The following VWA8 variants were observed in gnomAD, a reference collection of about 807,000 sequenced individuals.
The protein encoded by VWA8 is von Willebrand factor A domain-containing protein 8.
In VWA8, 221 loss-of-function variants were observed where a neutral mutation model predicts 241.5. That is an observed-to-expected ratio of 0.91 (90% confidence interval 0.82 to 1.02). The LOEUF (loss-of-function observed/expected upper bound fraction) is 1.02. Among genes scored for constraint, VWA8 ranks in the 50% least tolerant of loss-of-function variants. The pLI, the probability that VWA8 is intolerant of heterozygous loss-of-function variation, is 0.00. For synonymous variants in VWA8, 852 were observed against 827.1 expected (o/e 1.03, Z -0.52); for missense variants, 2,322 against 2,328.7 (o/e 1.00, Z 0.06).
chr13:41,798,549 G>A (rs77550846), intron 17 of VWA8, among the ~76,000 whole-genome samples: 3,950 of 152,110 alleles, frequency 0.026, 74 homozygotes, highest in Non-Finnish European at 0.038. Flanking sequence ...ATCTTTTTCC[G>A]TTATAAGTTT....
At chr13:41,785,776 G>A (rs763385556) in intron 18 of VWA8, among the ~76,000 whole-genome samples, 1 of 151,862 alleles carries the variant, frequency 6.6e-6, no homozygotes, top group Admixed American at 6.6e-5. Flanking sequence ...CCACCATTAG[G>A]TCTCTGAAAT....
At chr13:41,889,025 T>C (rs1328209346) in intron 5 of VWA8, among the ~76,000 whole-genome samples, 2 of 152,218 alleles carry the variant, frequency 1.3e-5, no homozygotes, top group African/African-American at 4.8e-5. Context: ...AATATAAAGT[T>C]CATACAAACT....
chr13:41,710,638 A>G (rs1233027938), intron 26 of VWA8, among the ~76,000 whole-genome samples: 1 of 151,780 alleles, frequency 6.6e-6, no homozygotes, highest in Non-Finnish European at 1.5e-5. Context: ...GGAATTGTAC[A>G]CCTTAGAACT....
intron 34 of VWA8, among the ~76,000 whole-genome samples, chr13:41,688,337 A>G (rs1007398436): frequency 1.3e-5 from 2 of 152,154 alleles, no homozygotes; most frequent in African/African-American, 4.8e-5. Context: ...AAATAATTCT[A>G]TCATCCCATC....
At chr13:41,851,763 G>A (rs1013309392) in intron 12 of VWA8, among the ~76,000 whole-genome samples, 1 of 151,884 alleles carries the variant, frequency 6.6e-6, no homozygotes, top group African/African-American at 2.4e-5. Context: ...TAATACAGAC[G>A]GGATTTTCTG....
chr13:41,632,796 A>C (rs1411966266), intron 37 of VWA8, among the ~76,000 whole-genome samples: 1 of 152,186 alleles, frequency 6.6e-6, no homozygotes, highest in Non-Finnish European at 1.5e-5. Context: ...AACACCCAAT[A>C]ATAACAATCT....
At chr13:41,651,966 A>G (rs1256622533) in intron 37 of VWA8, among the ~76,000 whole-genome samples, 3 of 152,262 alleles carry the variant, frequency 2.0e-5, no homozygotes, top group African/African-American at 4.8e-5. Context: ...AGTGTGAAAC[A>G]TTCTGAATTT....
chr13:41,796,514 A>G (rs1035238667), intron 17 of VWA8, among the ~76,000 whole-genome samples: 11 of 142,336 alleles, frequency 7.7e-5, no homozygotes, highest in African/African-American at 2.9e-4. Context: ...TCCTTTCCAA[A>G]ATTAAATTAC....
intron 2 of VWA8, among the ~76,000 whole-genome samples, chr13:41,936,435 C>A (rs1877354557): frequency 6.6e-6 from 1 of 152,094 alleles, no homozygotes; most frequent in Non-Finnish European, 1.5e-5. Context: ...TGAGTTATTT[C>A]TCTATCATTT....
intron 20 of VWA8, among the ~76,000 whole-genome samples, chr13:41,772,576 T>C (rs1015998937): frequency 6.6e-6 from 1 of 152,196 alleles, no homozygotes; most frequent in Non-Finnish European, 1.5e-5. Context: ...ATATTCAGCA[T>C]TATACCCTAA....
chr13:41,784,727 T>TATATATATATATATACATAC (rs1555335045), intron 18 of VWA8, among the ~76,000 whole-genome samples: 6 of 69,014 alleles, frequency 8.7e-5, no homozygotes, highest in Non-Finnish European at 1.3e-4. Flanking sequence ...TATATATATA[T>TATATATATATATATACATAC]ATACACACAC....
At chr13:41,758,101 G>A (rs1213593144) in intron 21 of VWA8, among the ~76,000 whole-genome samples, 1 of 151,108 alleles carries the variant, frequency 6.6e-6, no homozygotes, top group Non-Finnish European at 1.5e-5. Flanking sequence ...TGTTGAGGTA[G>A]ATGAAGATAA....
chr13:41,936,375 G>A (rs1448070189), intron 2 of VWA8, among the ~76,000 whole-genome samples: 6 of 151,876 alleles, frequency 4.0e-5, no homozygotes, highest in South Asian at 2.1e-4. Flanking sequence ...ATTTTCTATT[G>A]GATCACATGG....
intron 43 of VWA8, among the ~76,000 whole-genome samples, chr13:41,571,501 G>A (rs564051174): frequency 8.9e-4 from 135 of 152,230 alleles, no homozygotes; most frequent in South Asian, 4.6e-3. Context: ...GGTGCCCGCC[G>A]CCACACCTGA....
chr13:41,592,885 T>A (rs911291971), intron 40 of VWA8, among the ~76,000 whole-genome samples: 20 of 152,236 alleles, frequency 1.3e-4, no homozygotes, highest in African/African-American at 4.8e-4. Context: ...TCTACTTTAG[T>A]AAGCTATTGT....
chr13:41,649,074 A>G (rs2044852060), intron 37 of VWA8, among the ~76,000 whole-genome samples: 1 of 152,066 alleles, frequency 6.6e-6, no homozygotes, highest in Admixed American at 6.6e-5. Flanking sequence ...AATCCCAGCT[A>G]CTTGGGAGGC....
chr13:41,730,046 T>A (rs1480674933), intron 22 of VWA8, among the ~76,000 whole-genome samples: 2 of 152,254 alleles, frequency 1.3e-5, no homozygotes, highest in East Asian at 3.9e-4. Flanking sequence ...ATGGGAGTTA[T>A]GAGGAGTGAG....
intron 7 of VWA8, 61 bp downstream of exon 7, chr13:41,886,708 TAATCAATCAATC>T: frequency 8.2e-7 from 1 of 1,224,810 alleles, no homozygotes. Context: ...CTGAATTAAT[TAATCAATCAATC>T]AATGAACAGG....
At chr13:41,838,473 G>A (rs1871842509) in intron 12 of VWA8, among the ~76,000 whole-genome samples, 1 of 152,094 alleles carries the variant, frequency 6.6e-6, no homozygotes, top group Non-Finnish European at 1.5e-5. Flanking sequence ...TGTAGCAAAA[G>A]TAGAATATCA....
Sources: allele counts gnomAD v4.1 joint callset (sites outside exome capture counted in the v4.1 genomes callset), GRCh38; gene constraint gnomAD v4.1.1; transcripts MANE v1.5; gene names NCBI Gene and HGNC (gene_info 2026-07-23, HGNC 2026-07-21).